RAD51D: variants seen among roughly 807,000 people sequenced by gnomAD.
The protein encoded by RAD51D is RAD51 paralog D, also known as DNA repair protein RAD51 homolog 4.
RAD51D carries 38 observed loss-of-function variants against 44.1 expected under a neutral mutation model. The ratio of observed to expected loss-of-function variants is 0.86; its 90% CI spans 0.67 to 1.13. The LOEUF is 1.13. Ranked by LOEUF, RAD51D falls within the 50% of genes most tolerant of loss-of-function variation. The pLI is 0.00. For synonymous variants in RAD51D, 141 were observed against 166.6 expected (o/e 0.85, Z 1.18); for missense variants, 390 against 414.0 (o/e 0.94, Z 0.50).
intron 8 of RAD51D, among the ~76,000 whole-genome samples, chr17:35,102,680 T>C (rs914099323): frequency 1.3e-5 from 2 of 151,928 alleles, no homozygotes; most frequent in Admixed American, 1.3e-4. Context: ...TAAGTAAATA[T>C]GCAGAAAAAG....
In RAD51D at chr17:35,100,573, G is replaced by T. The variant is rs780660248; in HGVS notation, c.*380C>A. On this transcript the variant is annotated 3_prime_UTR_variant, in exon 10 of 10. Coordinates refer to ENST00000345365, the MANE Select transcript of RAD51D (RefSeq NM_002878.4). ...GCAAAGGCAAGTTAGAGGCTTTCCC[G>T]GCTTGGCCACTGCGCTAGGAGGGAG... 1.8e-6 allele frequency: 1 copy of T among 549,044 alleles called. No individual in the cohort carries two copies. Among genetic ancestry groups the T allele is most frequent in the South Asian group, 1.5e-5 (1 of 65,268 alleles). 34.0% of individuals were successfully genotyped at this position (549,044 alleles called of 1,614,324 possible). A position where few individuals can be genotyped will look rare whatever the true frequency, so the allele number is the denominator to read the frequency against.
At chr17:35,114,197 G>A (rs914719386) in intron 3 of RAD51D, among the ~76,000 whole-genome samples, 10 of 151,910 alleles carry the variant, frequency 6.6e-5, no homozygotes, top group African/African-American at 2.2e-4. Context: ...GCATGAACCC[G>A]GGAGGTGGAG....
chr17:35,107,114 G>A lies in RAD51D; in HGVS notation c.354C>T (p.Leu118=), dbSNP rs2142433941. The A allele has an allele frequency of 1.2e-6, 2 of 1,614,034 alleles. No individual in the cohort carries two copies. The highest frequency in any genetic ancestry group is 1.7e-6 in the Non-Finnish European group (2 of 1,180,012). The stretch of plus-strand genomic sequence containing the variant: ...CATGGGCCACATTTGCTGCCATACA[G>A]AGACATACCTGGGGGTGGGGGCATT... ...GPGSGKTQVC[L]CMAANVAHGL... The change falls in exon 5 of 10, where the codon CTC becomes CTT. Residue 118 remains leucine, a synonymous_variant. Transcript: ENST00000345365.
intron 3 of RAD51D, 51 bp downstream of exon 3, chr17:35,118,450 G>A (rs1179501127): frequency 2.7e-6 from 4 of 1,478,008 alleles, no homozygotes; most frequent in Admixed American, 3.3e-5. Flanking sequence ...GAGCTGAGAG[G>A]AGGCCCCATC....
At position 35,118,574 on chromosome 17, in the gene RAD51D, A is replaced by G. The variant is rs371182137; in HGVS notation, c.190T>C (p.Phe64Leu). 6.2e-7 allele frequency: 1 copy of G among 1,614,218 alleles called. No individual in the cohort carries two copies. Among genetic ancestry groups the G allele is most frequent in the Non-Finnish European group, 8.5e-7 (1 of 1,180,036 alleles). Residue 64 changes from phenylalanine (F) to leucine (L), a missense_variant, in exon 3 of 10, where the codon TTC (phenylalanine) becomes CTC (leucine). Physicochemically the swap from Phe to Leu is conservative, Grantham distance 22. Coordinates refer to ENST00000345365, the MANE Select transcript of RAD51D (RefSeq NM_002878.4). Reference sequence around the variant, plus strand: ...TAGAGATCAGCGCCATTCACGGGGAAAGCCGAGAACTGAGCCAGCAGCACC... The same window carrying G: ...TAGAGATCAGCGCCATTCACGGGGAGAGCCGAGAACTGAGCCAGCAGCACC... ...RRVLLAQFSA[F>L]PVNGADLYEE...
intron 3 of RAD51D, among the ~76,000 whole-genome samples, chr17:35,117,565 C>T (rs1214473342): frequency 6.6e-6 from 1 of 152,200 alleles, no homozygotes; most frequent in Non-Finnish European, 1.5e-5. Context: ...TCTTGGCCTA[C>T]TGCAACCTCC....
chr17:35,108,030 G>A (rs996192473), intron 3 of RAD51D, among the ~76,000 whole-genome samples: 2 of 151,792 alleles, frequency 1.3e-5, no homozygotes, highest in Admixed American at 6.6e-5. Context: ...AATTATAGGC[G>A]TGAGTCACCA....
intron 5 of RAD51D, among the ~76,000 whole-genome samples, 192 bp downstream of exon 5, chr17:35,106,796 G>C (rs928701996): frequency 2.6e-5 from 4 of 152,180 alleles, no homozygotes. Context: ...TTTCCTGGAA[G>C]AATCAGTGTG....
At chr17:35,113,992 G>A (rs2091707354) in intron 3 of RAD51D, among the ~76,000 whole-genome samples, 1 of 152,118 alleles carries the variant, frequency 6.6e-6, no homozygotes. Flanking sequence ...AGGGGAGTTG[G>A]CTGGACGCAG....
chr17:35,107,206 G>A (rs2142435115), intron 4 of RAD51D, 84 bp from the exon 5 acceptor site: 1 of 1,557,296 alleles, frequency 6.4e-7, no homozygotes, highest in South Asian at 1.1e-5. Context: ...CCAGATTCCA[G>A]CAACACAAAT....
In RAD51D at chr17:35,100,929, C is replaced by T; in HGVS notation, c.*24G>A. ...GTTGGGAGGGGTCCCCAATGCTTCC[C>T]TGTTTCCCAAACAACAGCACAGGTC... On this transcript the variant is annotated 3_prime_UTR_variant, in exon 10 of 10. Transcript: ENST00000345365. 1 of 1,599,090 alleles carries T rather than the reference C, an allele frequency of 6.3e-7. No homozygotes were observed. The highest frequency in any genetic ancestry group is 1.3e-5 in the African/African-American group (1 of 74,652).
chr17:35,118,389 T>C lies in RAD51D; in HGVS notation c.263+112A>G, dbSNP rs867217445. 202 of 867,466 alleles carry C rather than the reference T, an allele frequency of 2.3e-4. 2 individuals are homozygous for C. Among genetic ancestry groups the C allele is most frequent in the South Asian group, 1.7e-3 (123 of 72,086 alleles). 53.7% of individuals were successfully genotyped at this position (867,466 alleles called of 1,614,324 possible). On this transcript the variant is annotated intron_variant, in intron 3 of 9. Coordinates refer to ENST00000345365, the MANE Select transcript of RAD51D (RefSeq NM_002878.4). ...TCCTGACCCCTTTCCTTCCCATCCA[T>C]TATTGGTTAAAAAAAAAACCCCTCC...
At chr17:35,118,662 G>T in intron 2 of RAD51D, 43 bp from the exon 3 acceptor site, 1 of 1,469,160 alleles carries the variant, frequency 6.8e-7, no homozygotes, top group Non-Finnish European at 9.5e-7. Context: ...ATTGCCCGTA[G>T]AAGCTGGCAT....
At position 35,093,804 on chromosome 17, in the gene RAD51D, T is replaced by G. The variant is rs950495038; in HGVS notation, c.*7149A>C. On this transcript the variant is annotated 3_prime_UTR_variant, in exon 10 of 10. Transcript: ENST00000345365. Reference sequence around the variant, plus strand: ...ATGATAGAAAGCATTCAGGATCACTTTGGATTAATAATATACCTAACTCTA... The same window carrying G: ...ATGATAGAAAGCATTCAGGATCACTGTGGATTAATAATATACCTAACTCTA... 1 of 152,218 alleles carries G rather than the reference T, an allele frequency of 6.6e-6. No individual in the cohort carries two copies. The highest frequency in any genetic ancestry group is 1.9e-4 in the East Asian group (1 of 5,200). The allele number at this position is 152,218 out of a possible 1,614,324, so 9.4% of individuals were successfully genotyped here. A position where few individuals can be genotyped will look rare whatever the true frequency, so the allele number is the denominator to read the frequency against.
At chr17:35,116,846 TG>T in intron 3 of RAD51D, 1 of 1,508,596 alleles carries the variant, frequency 6.6e-7, no homozygotes, top group Non-Finnish European at 9.0e-7. Flanking sequence ...GACGAATAAA[TG>T]AAATAATGTA....
chr17:35,101,424 C>T (rs1434230381), intron 8 of RAD51D, 59 bp from the exon 9 acceptor site: 2 of 1,556,006 alleles, frequency 1.3e-6, no homozygotes, highest in Non-Finnish European at 1.8e-6. Context: ...TCGATTACTA[C>T]CGCTTCATTT....
At chr17:35,107,677 C>T (rs370527097) in intron 3 of RAD51D, among the ~76,000 whole-genome samples, 1 of 151,472 alleles carries the variant, frequency 6.6e-6, no homozygotes, top group South Asian at 2.1e-4. Flanking sequence ...TCCAGAGAGG[C>T]CTCTGCCACC....
rs2091475038 is a variant in RAD51D at position 35,094,436 on chromosome 17, CT to C, written c.*6516del. The C allele has an allele frequency of 1.3e-5, 2 of 152,158 alleles. No homozygotes were observed. The highest frequency in any genetic ancestry group is 4.8e-5 in the African/African-American group (2 of 41,432). The allele number at this position is 152,158 out of a possible 1,614,324, so 9.4% of individuals were successfully genotyped here. The stretch of plus-strand genomic sequence containing the variant: ...GTTTTTTATTCAGCTTTATTTCCCC[CT>C]AAACCTCCAGTTCTCTTTAATACTA... On this transcript the variant is annotated 3_prime_UTR_variant, in exon 10 of 10. Transcript: ENST00000345365.
chr17:35,117,146 AT>A lies in RAD51D; in HGVS notation c.263+1354del, dbSNP rs1458732767. On this transcript the variant is annotated intron_variant, in intron 3 of 9. Transcript: ENST00000345365. ...CTTACAGCTCTCTTGTATTCACTTG[AT>A]TTTCCCCTACACCCAACTAGAGGCC... is the stretch of plus-strand genomic sequence containing the variant. 4.0e-6 allele frequency: 5 copies of A among 1,236,278 alleles called. No homozygotes were observed. In the African/African-American group the frequency reaches 6.0e-5, roughly 15 times the overall value. The allele number at this position is 1,236,278 out of a possible 1,614,324, so 76.6% of individuals were successfully genotyped here. A position where few individuals can be genotyped will look rare whatever the true frequency, so the allele number is the denominator to read the frequency against.
Sources: allele counts gnomAD v4.1 joint callset (sites outside exome capture counted in the v4.1 genomes callset), GRCh38; gene constraint gnomAD v4.1.1; transcripts MANE v1.5; gene names NCBI Gene and HGNC (gene_info 2026-07-23, HGNC 2026-07-21).